ST8SIA6: variants seen among roughly 807,000 people sequenced by gnomAD.
ST8SIA6 encodes ST8 alpha-N-acetyl-neuraminide alpha-2,8-sialyltransferase 6.
In ST8SIA6, 39 loss-of-function variants were observed where a neutral mutation model predicts 33.6. The ratio of observed to expected loss-of-function variants is 1.16; its 90% confidence interval spans 0.90 to 1.52. The LOEUF (loss-of-function observed/expected upper bound fraction) is 1.52. ST8SIA6 is among the 40% of genes most tolerant of loss of function. The probability of loss-of-function intolerance (pLI) is 0.00; values close to 1 mark genes in which losing one functional copy is unlikely to be tolerated. For missense variants in ST8SIA6, 441 were observed against 443.8 expected, an observed-to-expected ratio of 0.99 and a Z score of 0.06; for synonymous variants, 172 against 167.2, an observed-to-expected ratio of 1.03 and a Z score of -0.22.
intron 3 of ST8SIA6, among the ~76,000 whole-genome samples, chr10:17,378,881 CT>C (rs2131640977): frequency 6.6e-6 from 1 of 152,208 alleles, no homozygotes; most frequent in East Asian, 1.9e-4. Flanking sequence ...AATCCCAACA[CT>C]TTGGGAGGTC....
At chr10:17,355,780 G>C (rs1010853061) in intron 4 of ST8SIA6, among the ~76,000 whole-genome samples, 31 of 152,188 alleles carry the variant, frequency 2.0e-4, no homozygotes, top group Admixed American at 4.6e-4. Flanking sequence ...CTGATAACCA[G>C]ATCTCCATGC....
At chr10:17,431,334 A>C (rs1406349302) in intron 2 of ST8SIA6, among the ~76,000 whole-genome samples, 2 of 152,198 alleles carry the variant, frequency 1.3e-5, no homozygotes, top group African/African-American at 4.8e-5. Context: ...ATTTATATAA[A>C]AGAAATTTCT....
chr10:17,385,465 G>T (rs1850301274), intron 3 of ST8SIA6, among the ~76,000 whole-genome samples: 1 of 151,448 alleles, frequency 6.6e-6, no homozygotes, highest in Non-Finnish European at 1.5e-5. Flanking sequence ...GGCGGAGTGA[G>T]TCGGAAAAAG....
intron 3 of ST8SIA6, among the ~76,000 whole-genome samples, chr10:17,378,855 G>C (rs1479143323): frequency 6.6e-6 from 1 of 152,120 alleles, no homozygotes; most frequent in African/African-American, 2.4e-5. Flanking sequence ...AGCCAGGCAC[G>C]GTGGCTCACA....
intron 3 of ST8SIA6, among the ~76,000 whole-genome samples, chr10:17,389,914 TG>T (rs965807045): frequency 6.6e-6 from 1 of 152,108 alleles, no homozygotes; most frequent in Non-Finnish European, 1.5e-5. Flanking sequence ...CTTGAACTCC[TG>T]GGCTCAAGCA....
At chr10:17,359,407 G>T (rs1039506709) in intron 4 of ST8SIA6, 107 bp downstream of exon 4, 1 of 771,342 alleles carries the variant, frequency 1.3e-6, no homozygotes, top group Non-Finnish European at 2.1e-6. Context: ...CTCATTGCCA[G>T]CTGGGGTTGG....
chr10:17,342,722 G>A (rs1031807044), intron 4 of ST8SIA6, among the ~76,000 whole-genome samples: 6 of 152,262 alleles, frequency 3.9e-5, no homozygotes, highest in East Asian at 1.9e-4. Flanking sequence ...AGGCCAAGGC[G>A]GATGGATCAC....
chr10:17,416,628 G>C (rs1851617409), intron 2 of ST8SIA6, among the ~76,000 whole-genome samples: 2 of 151,972 alleles, frequency 1.3e-5, no homozygotes, highest in Admixed American at 1.3e-4. Context: ...CCGGGCTTTT[G>C]ACGATTCAGC....
intron 2 of ST8SIA6, among the ~76,000 whole-genome samples, chr10:17,435,019 A>C (rs1852207959): frequency 6.6e-6 from 1 of 152,122 alleles, no homozygotes; most frequent in African/African-American, 2.4e-5. Flanking sequence ...TATTTTCAAA[A>C]ATGGCCTGGG....
chr10:17,419,918 TTTGAAA>T (rs1851728723), intron 2 of ST8SIA6, among the ~76,000 whole-genome samples: 1 of 152,270 alleles, frequency 6.6e-6, no homozygotes, highest in Non-Finnish European at 1.5e-5. Context: ...GTCATGCTAA[TTTGAAA>T]GATGCTTTCC....
At chr10:17,413,980 C>G (rs1421919907) in intron 2 of ST8SIA6, among the ~76,000 whole-genome samples, 4 of 152,200 alleles carry the variant, frequency 2.6e-5, no homozygotes, top group Non-Finnish European at 5.9e-5. Context: ...CTAGTATTCT[C>G]TCTGCAGTGA....
chr10:17,452,384 A>C (rs1852943650), intron 2 of ST8SIA6, among the ~76,000 whole-genome samples: 2 of 152,210 alleles, frequency 1.3e-5, no homozygotes, highest in Admixed American at 1.3e-4. Flanking sequence ...AGAGAAGCAT[A>C]CGCAGAAGAA....
rs371346789 is a variant in ST8SIA6 at position 17,378,953 on chromosome 10, C to T, written c.290+11578G>A. On this transcript the variant is annotated intron_variant, in intron 3 of 7. Coordinates refer to ENST00000377602, the MANE Select transcript of ST8SIA6 (RefSeq NM_001004470.3). ...CATCCTGGCTAACATGGTGAAACCC[C>T]GTTACTACTAAAAATACAAAAAATT... 4.7e-3 allele frequency among the ~76,000 whole-genome samples: 716 copies of T among 151,996 alleles called. 14 individuals are homozygous for T. In the South Asian group the frequency reaches 0.057, roughly 12 times the overall value.
intron 3 of ST8SIA6, among the ~76,000 whole-genome samples, chr10:17,388,523 G>A (rs905683865): frequency 6.6e-6 from 1 of 152,116 alleles, no homozygotes; most frequent in African/African-American, 2.4e-5. Flanking sequence ...GAGAGAGAGA[G>A]AAAGAGAATT....
At chr10:17,360,676 ACAACGAGCAAAAC>A (rs1161674617) in intron 3 of ST8SIA6, among the ~76,000 whole-genome samples, 2 of 152,070 alleles carry the variant, frequency 1.3e-5, no homozygotes, top group Non-Finnish European at 2.9e-5. Context: ...TTCACCTAAA[ACAACGAGCAAAAC>A]CAAACAAAAT....
intron 1 of ST8SIA6, 40 bp from the exon 2 acceptor site, chr10:17,453,697 C>T: frequency 8.0e-7 from 1 of 1,257,862 alleles, no homozygotes; most frequent in Middle Eastern, 2.1e-4. Flanking sequence ...CTACACCCCG[C>T]CGGGAGCTGT....
chr10:17,365,902 T>G (rs939287763), intron 3 of ST8SIA6, among the ~76,000 whole-genome samples: 10 of 152,180 alleles, frequency 6.6e-5, no homozygotes, highest in Admixed American at 2.0e-4. Context: ...CACAGTAATA[T>G]TAAGTCAGTA....
At chr10:17,327,534 C>T (rs1848172527) in intron 5 of ST8SIA6, among the ~76,000 whole-genome samples, 1 of 152,068 alleles carries the variant, frequency 6.6e-6, no homozygotes, top group African/African-American at 2.4e-5. Context: ...TGCAGTGAGC[C>T]AAGATGGCAC....
At chr10:17,347,410 A>G (rs1848873154) in intron 4 of ST8SIA6, among the ~76,000 whole-genome samples, 1 of 152,162 alleles carries the variant, frequency 6.6e-6, no homozygotes, top group Non-Finnish European at 1.5e-5. Context: ...GACTTCTCTG[A>G]CACACAGAGT....
Sources: allele counts gnomAD v4.1 joint callset (sites outside exome capture counted in the v4.1 genomes callset), GRCh38; gene constraint gnomAD v4.1.1; transcripts MANE v1.5; gene names NCBI Gene and HGNC (gene_info 2026-07-23, HGNC 2026-07-21).